Variants in ZMAT4 observed in about 807,000 individuals in gnomAD.
The protein encoded by ZMAT4 is zinc finger matrin-type 4.
In ZMAT4, 17 loss-of-function variants were observed where a neutral mutation model predicts 28.7. The observed-to-expected ratio is 0.59, with a 90% CI of 0.41 to 0.89. The LOEUF (loss-of-function observed/expected upper bound fraction) is 0.89, where lower values mean the gene tolerates loss of function less well. Ranked by LOEUF, ZMAT4 falls within the 40% of genes least tolerant of loss-of-function variation. The pLI, the probability that ZMAT4 is intolerant of heterozygous loss-of-function variation, is 0.00. For synonymous variants in ZMAT4, 117 were observed against 109.2 expected (o/e 1.07, Z -0.44); for missense variants, 240 against 283.8 (o/e 0.85, Z 1.11).
intron 5 of ZMAT4, among the ~76,000 whole-genome samples, chr8:40,617,315 G>A (rs762281332): frequency 6.6e-5 from 10 of 152,084 alleles, no homozygotes; most frequent in East Asian, 3.9e-4. Flanking sequence ...TACACATTTC[G>A]GGGTCCCTCC....
Position 40,895,679 on chromosome 8 carries a change from T to C in ZMAT4, c.-5+2004A>G, listed in dbSNP as rs142589272. Among the ~76,000 whole-genome samples, 475 of 151,968 alleles carry C rather than the reference T, an allele frequency of 3.1e-3. 3 individuals are homozygous for C. Among genetic ancestry groups the C allele is most frequent in the African/African-American group, 0.011 (453 of 41,474 alleles). ...TGCATGACTCACCCTTCAGGAGCTG[T>C]TTCAAATGCCTTACTTTTAATGTTT... On this transcript the variant is annotated intron_variant, in intron 1 of 6. Transcript: ENST00000297737.
intron 5 of ZMAT4, among the ~76,000 whole-genome samples, chr8:40,588,349 G>A (rs1804738245): frequency 6.6e-6 from 1 of 151,960 alleles, no homozygotes; most frequent in African/African-American, 2.4e-5. Flanking sequence ...AGACAGTGCT[G>A]GGGGAAAAAT....
In ZMAT4 at chr8:40,799,614, G is replaced by T. The variant is rs9918804; in HGVS notation, c.102+25961C>A. On this transcript the variant is annotated intron_variant, in intron 2 of 6. Coordinates refer to ENST00000297737, the MANE Select transcript of ZMAT4 (RefSeq NM_024645.3). ...TTAAAATGTAAAGGAAAATAAAAAA[G>T]GTCAGAAACTCAGATCTGCATAAAG... 9.4e-3 allele frequency among the ~76,000 whole-genome samples: 1,433 copies of T among 152,096 alleles called. 24 individuals are homozygous for T. Among genetic ancestry groups the T allele is most frequent in the African/African-American group, 0.033 (1,383 of 41,484 alleles).
chr8:40,746,601 C>G (rs528453701), intron 3 of ZMAT4, among the ~76,000 whole-genome samples: 68 of 152,100 alleles, frequency 4.5e-4, no homozygotes, highest in Non-Finnish European at 7.9e-4. Context: ...GACCTCTGCC[C>G]ACCTTGGCCT....
rs879392189 is a variant in ZMAT4, at chr8:40,882,710, T to TC, written c.-5+14972dup. Among the ~76,000 whole-genome samples the TC allele has an allele frequency of 2.9e-3, 441 of 151,252 alleles. 2 individuals are homozygous for TC. Among genetic ancestry groups the TC allele is most frequent in the African/African-American group, 0.01 (416 of 41,214 alleles). ...CGCTTGGCACCTGCACTCCATCTAA[T>TC]CCCCCCCCATGAGACAGGTACCAGG... On this transcript the variant is annotated intron_variant, in intron 1 of 6. Transcript: ENST00000297737.
At chr8:40,803,593 G>T (rs1210635795) in intron 2 of ZMAT4, among the ~76,000 whole-genome samples, 2 of 152,170 alleles carry the variant, frequency 1.3e-5, no homozygotes, top group Non-Finnish European at 2.9e-5. Context: ...AATAGTATTG[G>T]ATGTGGAGCA....
At chr8:40,535,811 G>A (rs1030985062) in intron 6 of ZMAT4, among the ~76,000 whole-genome samples, 4 of 152,184 alleles carry the variant, frequency 2.6e-5, no homozygotes, top group Admixed American at 2.6e-4. Flanking sequence ...GTCCCACACT[G>A]AATGTAAACT....
At chr8:40,722,340 T>C (rs1488457655) in intron 3 of ZMAT4, among the ~76,000 whole-genome samples, 5 of 152,198 alleles carry the variant, frequency 3.3e-5, no homozygotes, top group East Asian at 1.9e-4. Flanking sequence ...ACACCTTATA[T>C]AGCTTTGTCT....
At chr8:40,734,641 C>T (rs1811686013) in intron 3 of ZMAT4, among the ~76,000 whole-genome samples, 1 of 152,158 alleles carries the variant, frequency 6.6e-6, no homozygotes, top group Non-Finnish European at 1.5e-5. Context: ...CCAGTCTGTT[C>T]TCCCAACTCT....
chr8:40,732,717 C>T (rs905023226), intron 3 of ZMAT4, among the ~76,000 whole-genome samples: 3 of 152,110 alleles, frequency 2.0e-5, no homozygotes, highest in African/African-American at 7.2e-5. Context: ...CCTTCATCAT[C>T]TCTTCCCAAA....
chr8:40,803,088 A>C (rs1426880325), intron 2 of ZMAT4, among the ~76,000 whole-genome samples: 1 of 152,202 alleles, frequency 6.6e-6, no homozygotes, highest in Non-Finnish European at 1.5e-5. Context: ...TGAGCCACAG[A>C]CCTAAATTTA....
chr8:40,860,870 C>T lies in ZMAT4; in HGVS notation c.-4-35190G>A, dbSNP rs1311249123. Among the ~76,000 whole-genome samples the T allele has an allele frequency of 2.0e-5, 3 of 152,280 alleles. No homozygotes were observed. In the South Asian group the frequency reaches 6.2e-4, roughly 32 times the overall value. On this transcript the variant is annotated intron_variant, in intron 1 of 6. Transcript: ENST00000297737. ...GACTGACCAGGGGAAGCACCTGGCC[C>T]TATGTGAGCCCTTAGGAGGCTGTTG...
intron 1 of ZMAT4, among the ~76,000 whole-genome samples, chr8:40,886,370 G>T (rs545953008): frequency 6.6e-6 from 1 of 152,178 alleles, no homozygotes; most frequent in Non-Finnish European, 1.5e-5. Flanking sequence ...TCCTTCCCTC[G>T]CTCCTCCAGG....
At chr8:40,738,260 A>T (rs904690629) in intron 3 of ZMAT4, among the ~76,000 whole-genome samples, 2 of 152,166 alleles carry the variant, frequency 1.3e-5, no homozygotes, top group African/African-American at 2.4e-5. Flanking sequence ...CATTATTAAG[A>T]AACAAACATT....
chr8:40,712,318 C>A lies in ZMAT4; in HGVS notation c.193-14917G>T, dbSNP rs1305286687. 2.6e-5 allele frequency among the ~76,000 whole-genome samples: 4 copies of A among 152,168 alleles called. No homozygotes were observed. In the East Asian group the frequency reaches 7.7e-4, roughly 29 times the overall value. ...ATAAGCTACTGTTTTTATTAAAAAC[C>A]AACCAACCCAGAGTTGTGTCCCATA... On this transcript the variant is annotated intron_variant, in intron 3 of 6. Coordinates refer to ENST00000297737, the MANE Select transcript of ZMAT4 (RefSeq NM_024645.3).
intron 5 of ZMAT4, among the ~76,000 whole-genome samples, chr8:40,666,774 C>T (rs892529666): frequency 3.9e-5 from 6 of 151,970 alleles, no homozygotes; most frequent in Middle Eastern, 3.2e-3. Flanking sequence ...AAGTTTGAAC[C>T]GCATGGGTCT....
chr8:40,685,242 T>C (rs1056826545), intron 4 of ZMAT4, among the ~76,000 whole-genome samples: 3 of 152,066 alleles, frequency 2.0e-5, no homozygotes, highest in Non-Finnish European at 4.4e-5. Context: ...ATCACCAAGA[T>C]TGAAAGAATT....
At chr8:40,890,467 C>A (rs1047900419) in intron 1 of ZMAT4, among the ~76,000 whole-genome samples, 6 of 152,082 alleles carry the variant, frequency 3.9e-5, no homozygotes, top group African/African-American at 1.4e-4. Flanking sequence ...GTCAAAGTAT[C>A]GGCTTCTGAT....
At chr8:40,615,943 A>T (rs1490044262) in intron 5 of ZMAT4, among the ~76,000 whole-genome samples, 1 of 152,234 alleles carries the variant, frequency 6.6e-6, no homozygotes, top group Non-Finnish European at 1.5e-5. Flanking sequence ...ATCAGAGTGA[A>T]CAGGCAACCT....
Sources: allele counts gnomAD v4.1 joint callset (sites outside exome capture counted in the v4.1 genomes callset), GRCh38; gene constraint gnomAD v4.1.1; transcripts MANE v1.5; gene names NCBI Gene and HGNC (gene_info 2026-07-23, HGNC 2026-07-21).